The following DLGAP2 variants were observed in gnomAD, a reference collection of about 807,000 sequenced individuals.
The protein encoded by DLGAP2 is disks large-associated protein 2.
DLGAP2 carries 26 observed loss-of-function variants against 100.3 expected under a neutral mutation model. That is an observed-to-expected ratio of 0.26 (90% CI 0.19 to 0.36). DLGAP2 has a LOEUF of 0.36. Among genes scored for constraint, DLGAP2 ranks in the 10% least tolerant of loss-of-function variants. The pLI is 1.00. For synonymous variants in DLGAP2, 886 were observed against 630.1 expected (o/e 1.41, Z -6.08); for missense variants, 1,858 against 1,453.2 (o/e 1.28, Z -4.53).
chr8:976,015 A>AC (rs1316449726), intron 2 of DLGAP2, among the ~76,000 whole-genome samples: 2 of 152,240 alleles, frequency 1.3e-5, no homozygotes, highest in African/African-American at 4.8e-5. Flanking sequence ...ATACAAGGTT[A>AC]TTATACAGAA....
intron 1 of DLGAP2, among the ~76,000 whole-genome samples, chr8:810,749 C>G (rs758760186): frequency 6.6e-6 from 1 of 152,186 alleles, no homozygotes; most frequent in Non-Finnish European, 1.5e-5. Context: ...TGAATCAGTT[C>G]CTTCATCTTA....
chr8:1,241,298 G>A (rs1228214217), intron 2 of DLGAP2, among the ~76,000 whole-genome samples: 1 of 150,496 alleles, frequency 6.6e-6, no homozygotes, highest in Non-Finnish European at 1.5e-5. Context: ...TCTCTCACAT[G>A]GAGCCGTGTC....
At chr8:1,176,707 A>G (rs978615361) in intron 2 of DLGAP2, among the ~76,000 whole-genome samples, 2 of 152,136 alleles carry the variant, frequency 1.3e-5, no homozygotes, top group African/African-American at 4.8e-5. Flanking sequence ...TCCGTCTGCC[A>G]TGCTGCCTGT....
At chr8:1,499,187 T>C (rs1799631936) in intron 3 of DLGAP2, among the ~76,000 whole-genome samples, 1 of 152,264 alleles carries the variant, frequency 6.6e-6, no homozygotes, top group Admixed American at 6.5e-5. Context: ...GATACCAAGC[T>C]TGTGCTCTGT....
chr8:1,387,363 C>A (rs1288735727), intron 3 of DLGAP2, among the ~76,000 whole-genome samples: 1 of 151,962 alleles, frequency 6.6e-6, no homozygotes, highest in Non-Finnish European at 1.5e-5. Flanking sequence ...AATAAGTTCA[C>A]AGAGAGTAGA....
At chr8:829,508 G>T (rs1252552288) in intron 1 of DLGAP2, among the ~76,000 whole-genome samples, 1 of 152,190 alleles carries the variant, frequency 6.6e-6, no homozygotes, top group African/African-American at 2.4e-5. Context: ...TAGGAAATAA[G>T]TTTATTATTT....
At position 893,250 on chromosome 8, in the gene DLGAP2, G is replaced by C. The variant is rs1377900261; in HGVS notation, c.19-14662G>C. On this transcript the variant is annotated intron_variant, in intron 1 of 14. Transcript: ENST00000637795. ...GGTCATGGGAGAGTCCTGCCCTCCA[G>C]AGTCACTTTCCCTTTGGGTAAAATG... 2.6e-5 allele frequency: 4 copies of C among 152,204 alleles called. No individual in the cohort carries two copies. In the East Asian group the frequency reaches 7.7e-4, roughly 29 times the overall value. The allele number at this position is 152,204 out of a possible 1,614,324, so 9.4% of individuals were successfully genotyped here. A position where few individuals can be genotyped will look rare whatever the true frequency, so the allele number is the denominator to read the frequency against.
In DLGAP2 at chr8:1,566,733, A is replaced by G. The variant is rs575139785; in HGVS notation, c.1442+839A>G. On this transcript the variant is annotated intron_variant, in intron 6 of 14. Coordinates refer to ENST00000637795, the MANE Select transcript of DLGAP2 (RefSeq NM_001346810.2). ...CCCTGTATTGTCTCTATCCACGCCG[A>G]GTGCACCCAGTGATGAGCCAGTGAC... 6.5e-4 allele frequency among the ~76,000 whole-genome samples: 99 copies of G among 152,326 alleles called. 1 individual carries two copies. In the Middle Eastern group the frequency reaches 0.01, roughly 16 times the overall value.
At chr8:990,031 G>A (rs999080089) in intron 2 of DLGAP2, among the ~76,000 whole-genome samples, 2 of 152,022 alleles carry the variant, frequency 1.3e-5, no homozygotes, top group African/African-American at 2.4e-5. Flanking sequence ...GGACCACTGT[G>A]CCAGCATGAT....
Position 1,378,886 on chromosome 8 carries a change from C to T in DLGAP2, c.106+120003C>T, listed in dbSNP as rs189192929. 9.1e-4 allele frequency among the ~76,000 whole-genome samples: 138 copies of T among 152,346 alleles called. 1 individual carries two copies. In the East Asian group the frequency reaches 0.018, roughly 20 times the overall value. On this transcript the variant is annotated intron_variant, in intron 3 of 14. Transcript: ENST00000637795. ...AGGGCAGTGTGGTCGGCGGGTTCAA[C>T]ACTCATGCTTCCCTGTCCTTTGGCC... is the stretch of plus-strand genomic sequence containing the variant.
At chr8:972,663 G>C (rs954063378) in intron 2 of DLGAP2, among the ~76,000 whole-genome samples, 5 of 143,090 alleles carry the variant, frequency 3.5e-5, no homozygotes, top group Admixed American at 7.2e-5. Context: ...TGTGTTTCTC[G>C]CAGAGGGGGA....
chr8:1,547,717 C>G (rs1402486586), intron 4 of DLGAP2, among the ~76,000 whole-genome samples: 2 of 152,248 alleles, frequency 1.3e-5, no homozygotes, highest in African/African-American at 2.4e-5. Flanking sequence ...TAGCCACAGC[C>G]TCGCTCCTCC....
intron 2 of DLGAP2, among the ~76,000 whole-genome samples, chr8:1,047,932 A>G (rs1450092210): frequency 6.6e-6 from 1 of 152,126 alleles, no homozygotes; most frequent in Non-Finnish European, 1.5e-5. Context: ...GTTGATCTAT[A>G]TGTCTAGCCT....
At chr8:927,627 A>G (rs1798846273) in intron 2 of DLGAP2, among the ~76,000 whole-genome samples, 1 of 152,184 alleles carries the variant, frequency 6.6e-6, no homozygotes, top group African/African-American at 2.4e-5. Context: ...CGTGGGGCCC[A>G]GCACCGTGGG....
rs1387188999 is a variant in DLGAP2, at chr8:745,004, C to T, written c.18+7179C>T. 7.9e-5 allele frequency among the ~76,000 whole-genome samples: 12 copies of T among 152,166 alleles called. No homozygotes were observed. The South Asian group carries it at 8.3e-4, about 11-fold the overall frequency. On this transcript the variant is annotated intron_variant, in intron 1 of 14. Coordinates refer to ENST00000637795, the MANE Select transcript of DLGAP2 (RefSeq NM_001346810.2). Reference sequence around the variant, plus strand: ...TAGCCCAGGCCATCCCCACACCTGCCGCAGGGTTTTAGGCCATGTCACTGG... The same window carrying T: ...TAGCCCAGGCCATCCCCACACCTGCTGCAGGGTTTTAGGCCATGTCACTGG...
chr8:1,211,022 A>T (rs1798092882), intron 2 of DLGAP2, among the ~76,000 whole-genome samples: 1 of 152,234 alleles, frequency 6.6e-6, no homozygotes, highest in South Asian at 2.1e-4. Context: ...AGCCCACACC[A>T]GGGAGGACCT....
chr8:1,050,831 T>G (rs1316646462), intron 2 of DLGAP2, among the ~76,000 whole-genome samples: 18 of 152,140 alleles, frequency 1.2e-4, no homozygotes, highest in Admixed American at 9.8e-4. Context: ...AGGACCTGAA[T>G]TTTTTACGTG....
chr8:930,476 G>C (rs1798930234), intron 2 of DLGAP2, among the ~76,000 whole-genome samples: 2 of 152,242 alleles, frequency 1.3e-5, no homozygotes, highest in Admixed American at 1.3e-4. Context: ...CAGGGGGTGA[G>C]AGGGTTCTCT....
intron 2 of DLGAP2, among the ~76,000 whole-genome samples, chr8:1,130,463 G>A (rs192813713): frequency 3.3e-5 from 5 of 152,166 alleles, no homozygotes; most frequent in Admixed American, 6.5e-5. Flanking sequence ...ATGAACCGCC[G>A]TACGCTTGAG....
Sources: gnomAD v4.1 joint callset for allele counts (sites outside exome capture counted in the v4.1 genomes callset) on GRCh38, gnomAD v4.1.1 for gene constraint, MANE v1.5 for transcripts, NCBI Gene and HGNC (gene_info 2026-07-23, HGNC 2026-07-21) for gene names.